ERBB4: variants seen among roughly 807,000 people sequenced by gnomAD.
ERBB4 encodes the protein receptor tyrosine-protein kinase erbB-4.
Under a neutral mutation model 158.0 loss-of-function variants are expected in ERBB4, and 42 were observed. The ratio of observed to expected loss-of-function variants is 0.27; its 90% CI spans 0.21 to 0.34. The LOEUF is 0.34. Among genes scored for constraint, ERBB4 ranks in the 10% least tolerant of loss-of-function variants. ERBB4 has a pLI of 1.00. For missense variants in ERBB4, 1,333 were observed against 1,624.1 expected, an observed-to-expected ratio of 0.82 and a Z score of 3.08; for synonymous variants, 583 against 558.7, an observed-to-expected ratio of 1.04 and a Z score of -0.61.
At chr2:211,493,140 C>G (rs1306145405) in intron 20 of ERBB4, among the ~76,000 whole-genome samples, 1 of 152,098 alleles carries the variant, frequency 6.6e-6, no homozygotes, top group Non-Finnish European at 1.5e-5. Context: ...AACCAGCTTT[C>G]CATTGTAGTT....
intron 1 of ERBB4, among the ~76,000 whole-genome samples, chr2:212,505,184 C>A (rs1164480372): frequency 1.3e-5 from 2 of 152,138 alleles, no homozygotes; most frequent in African/African-American, 4.8e-5. Context: ...GCAACCTCTG[C>A]CTCCCGGGTT....
At chr2:211,536,142 T>C (rs2066646845) in intron 20 of ERBB4, among the ~76,000 whole-genome samples, 1 of 151,958 alleles carries the variant, frequency 6.6e-6, no homozygotes, top group Non-Finnish European at 1.5e-5. Flanking sequence ...CCTAGCCCTT[T>C]GGAGAAGAGA....
intron 3 of ERBB4, among the ~76,000 whole-genome samples, chr2:211,847,254 C>T (rs1413206745): frequency 2.1e-5 from 3 of 146,292 alleles, no homozygotes; most frequent in African/African-American, 7.5e-5. Flanking sequence ...TCCAATGTTT[C>T]CACATTAGAT....
intron 20 of ERBB4, among the ~76,000 whole-genome samples, chr2:211,548,859 C>T (rs944105123): frequency 5.9e-5 from 9 of 152,102 alleles, no homozygotes; most frequent in South Asian, 2.1e-4. Flanking sequence ...TAAGATTTCA[C>T]ATGAAACAAA....
At chr2:212,509,914 A>T (rs940263242) in intron 1 of ERBB4, among the ~76,000 whole-genome samples, 3 of 151,978 alleles carry the variant, frequency 2.0e-5, no homozygotes, top group South Asian at 4.2e-4. Context: ...TAGTCTTCAG[A>T]CTACTTTCAA....
Position 211,767,665 on chromosome 2 carries a change from A to G in ERBB4, c.557-16961T>C, listed in dbSNP as rs114287049. ...GAAGGATAAGAATGAGCAGAAGGAG[A>G]AAAGCCCCTTATAAAACCATCAGAT... On this transcript the variant is annotated intron_variant, in intron 4 of 27. Transcript: ENST00000342788. Among the ~76,000 whole-genome samples the G allele has an allele frequency of 7.4e-3, 1,130 of 152,236 alleles. 10 individuals are homozygous for G. The highest frequency in any genetic ancestry group is 0.026 in the African/African-American group (1,072 of 41,550).
rs2063291580 is a variant in ERBB4 at position 211,412,849 on chromosome 2, G to A, written c.3135+7592C>T. Among the ~76,000 whole-genome samples, 4 of 151,268 alleles carry A rather than the reference G, an allele frequency of 2.6e-5. No individual in the cohort carries two copies. The South Asian group carries it at 8.3e-4, about 32-fold the overall frequency. On this transcript the variant is annotated intron_variant, in intron 25 of 27. Transcript: ENST00000342788. Reference sequence around the variant, plus strand: ...TGTGCCTGTAATCCCAGCTACTCAGGAGGCTGAGGCAGGAGAATCGCTTGA... The same window carrying A: ...TGTGCCTGTAATCCCAGCTACTCAGAAGGCTGAGGCAGGAGAATCGCTTGA...
chr2:212,438,750 G>A (rs1441104959), intron 1 of ERBB4, among the ~76,000 whole-genome samples: 1 of 151,928 alleles, frequency 6.6e-6, no homozygotes, highest in East Asian at 1.9e-4. Flanking sequence ...ATTACAATTT[G>A]GTAAGATGGT....
intron 3 of ERBB4, among the ~76,000 whole-genome samples, chr2:211,831,355 T>C (rs1038432565): frequency 6.6e-6 from 1 of 152,190 alleles, no homozygotes; most frequent in African/African-American, 2.4e-5. Flanking sequence ...GTGCTCTCTA[T>C]ATCAATTGGA....
chr2:212,081,478 G>C (rs890642626), intron 2 of ERBB4, among the ~76,000 whole-genome samples: 1 of 152,046 alleles, frequency 6.6e-6, no homozygotes, highest in African/African-American at 2.4e-5. Flanking sequence ...CTAAATCAAG[G>C]GTACCAATCA....
chr2:211,722,320 T>A, intron 7 of ERBB4, 73 bp downstream of exon 7: 2 of 1,218,798 alleles, frequency 1.6e-6, no homozygotes, highest in Admixed American at 1.8e-5. Flanking sequence ...CACATTAAAA[T>A]AAACTTACAT....
At chr2:211,401,963 A>G (rs2063052445) in intron 25 of ERBB4, among the ~76,000 whole-genome samples, 1 of 151,552 alleles carries the variant, frequency 6.6e-6, no homozygotes. Flanking sequence ...TATTACTAGC[A>G]CAATTATAAT....
intron 5 of ERBB4, among the ~76,000 whole-genome samples, chr2:211,729,419 A>G (rs1194882148): frequency 6.6e-6 from 1 of 151,854 alleles, no homozygotes; most frequent in Non-Finnish European, 1.5e-5. Context: ...AAATTCAGTA[A>G]GCATGAAGCA....
chr2:212,368,807 G>A (rs1366712083), intron 1 of ERBB4, among the ~76,000 whole-genome samples: 1 of 152,064 alleles, frequency 6.6e-6, no homozygotes, highest in Non-Finnish European at 1.5e-5. Context: ...ATTATCTTGG[G>A]AGATATGGCC....
intron 1 of ERBB4, among the ~76,000 whole-genome samples, chr2:212,142,982 T>C (rs2080536799): frequency 6.6e-6 from 1 of 152,002 alleles, no homozygotes; most frequent in African/African-American, 2.4e-5. Flanking sequence ...ATGTGACTTG[T>C]TAAAAGGAAA....
intron 3 of ERBB4, among the ~76,000 whole-genome samples, chr2:211,947,181 A>T (rs2080723492): frequency 6.6e-6 from 1 of 152,178 alleles, no homozygotes; most frequent in Admixed American, 6.5e-5. Context: ...TCAGTCACAG[A>T]GCATTTCCAG....
intron 3 of ERBB4, among the ~76,000 whole-genome samples, chr2:211,902,581 T>C (rs2079265481): frequency 1.3e-5 from 2 of 152,018 alleles, no homozygotes; most frequent in South Asian, 4.1e-4. Flanking sequence ...TTTTCTAGAA[T>C]GAGTTTTGAT....
At chr2:212,335,313 T>C (rs2088378403) in intron 1 of ERBB4, among the ~76,000 whole-genome samples, 1 of 152,024 alleles carries the variant, frequency 6.6e-6, no homozygotes, top group Non-Finnish European at 1.5e-5. Context: ...AAAATTGATA[T>C]GTTTTAACAA....
chr2:212,294,836 G>A (rs1191063357), intron 1 of ERBB4, among the ~76,000 whole-genome samples: 1 of 152,040 alleles, frequency 6.6e-6, no homozygotes, highest in African/African-American at 2.4e-5. Context: ...CTAAAGTCAA[G>A]TCAGGAAAGC....
Sources: gnomAD v4.1 joint callset for allele counts (sites outside exome capture counted in the v4.1 genomes callset) on GRCh38, gnomAD v4.1.1 for gene constraint, MANE v1.5 for transcripts, NCBI Gene and HGNC (gene_info 2026-07-23, HGNC 2026-07-21) for gene names.